NCKAP5: variants seen among roughly 807,000 people sequenced by gnomAD.
NCKAP5 encodes the protein nck-associated protein 5.
In NCKAP5, 92 loss-of-function variants were observed where a neutral mutation model predicts 167.0. The ratio of observed to expected loss-of-function variants is 0.55; its 90% CI spans 0.47 to 0.66. The LOEUF is 0.66. NCKAP5 is among the 30% of genes least tolerant of loss of function. The pLI, the probability that NCKAP5 is intolerant of heterozygous loss-of-function variation, is 0.00. For synonymous variants in NCKAP5, 891 were observed against 877.4 expected, an observed-to-expected ratio of 1.02 and a Z score of -0.27; for missense variants, 2,378 against 2,315.0, an observed-to-expected ratio of 1.03 and a Z score of -0.56.
At chr2:133,339,675 A>G (rs1438851857) in intron 3 of NCKAP5, among the ~76,000 whole-genome samples, 1 of 152,228 alleles carries the variant, frequency 6.6e-6, no homozygotes, top group Non-Finnish European at 1.5e-5. Context: ...GCCAGAATGG[A>G]AAAGATAGCT....
At chr2:132,878,773 C>T (rs1225374013) in intron 9 of NCKAP5, 75 bp downstream of exon 9, 2 of 1,076,726 alleles carry the variant, frequency 1.9e-6, no homozygotes, top group Admixed American at 1.7e-5. Context: ...TGGTAGCACA[C>T]ACACATTTTG....
At chr2:133,238,080 G>C (rs1383526300) in intron 4 of NCKAP5, among the ~76,000 whole-genome samples, 1 of 152,128 alleles carries the variant, frequency 6.6e-6, no homozygotes, top group Non-Finnish European at 1.5e-5. Context: ...TCCATCACTT[G>C]ACTAAGCCAG....
intron 2 of NCKAP5, among the ~76,000 whole-genome samples, chr2:133,554,080 C>T (rs1261588384): frequency 6.6e-6 from 1 of 152,162 alleles, no homozygotes; most frequent in Non-Finnish European, 1.5e-5. Flanking sequence ...CTGTAAAGCT[C>T]ATGATGACTT....
chr2:133,176,915 C>G (rs1345077103), intron 5 of NCKAP5, among the ~76,000 whole-genome samples: 4 of 152,120 alleles, frequency 2.6e-5, no homozygotes, highest in Admixed American at 6.6e-5. Flanking sequence ...AAAGCAAATA[C>G]ATTTAATTCC....
intron 12 of NCKAP5, among the ~76,000 whole-genome samples, chr2:132,792,852 A>G (rs1684180403): frequency 6.6e-6 from 1 of 152,214 alleles, no homozygotes; most frequent in African/African-American, 2.4e-5. Context: ...CTTTTAATGA[A>G]TAAGCAGCCC....
chr2:132,909,485 T>A (rs969101362), intron 8 of NCKAP5, among the ~76,000 whole-genome samples: 2 of 152,222 alleles, frequency 1.3e-5, no homozygotes, highest in Non-Finnish European at 2.9e-5. Flanking sequence ...GGTATTCAAA[T>A]TTTCCCCTTT....
chr2:133,674,568 A>G, the NCKAP5 span, among the ~76,000 whole-genome samples: 1 of 152,154 alleles, frequency 6.6e-6, no homozygotes, highest in East Asian at 1.9e-4. Flanking sequence ...TGCACGCTGC[A>G]AATCAGAGCT....
chr2:133,470,713 G>T (rs200260535), intron 3 of NCKAP5, among the ~76,000 whole-genome samples: 3 of 152,254 alleles, frequency 2.0e-5, no homozygotes, highest in Non-Finnish European at 2.9e-5. Flanking sequence ...TAATCTCGTG[G>T]TGCGCCGTTT....
intron 4 of NCKAP5, among the ~76,000 whole-genome samples, chr2:133,292,653 G>A (rs544111967): frequency 6.6e-6 from 1 of 152,210 alleles, no homozygotes; most frequent in South Asian, 2.1e-4. Context: ...ATTGATGTTG[G>A]GATATTTTTT....
intron 6 of NCKAP5, among the ~76,000 whole-genome samples, chr2:133,105,612 A>T (rs2081657731): frequency 6.6e-6 from 1 of 152,184 alleles, no homozygotes; most frequent in African/African-American, 2.4e-5. Context: ...CAAACAACCC[A>T]GCCAGACACA....
At chr2:133,303,131 A>G in intron 3 of NCKAP5, 21 bp from the exon 4 acceptor site, 1 of 1,550,308 alleles carries the variant, frequency 6.5e-7, no homozygotes, top group Admixed American at 1.9e-5. Context: ...AGACAAAGAC[A>G]GATGAAAACT....
chr2:133,044,787 G>A (rs183942370), intron 6 of NCKAP5, among the ~76,000 whole-genome samples: 159 of 152,160 alleles, frequency 1.0e-3, no homozygotes, highest in Non-Finnish European at 1.9e-3. Context: ...ACAGTTCTTC[G>A]GACCAGGCAT....
At chr2:133,548,736 C>T (rs370055751) in intron 2 of NCKAP5, among the ~76,000 whole-genome samples, 35 of 152,208 alleles carry the variant, frequency 2.3e-4, no homozygotes, top group Non-Finnish European at 4.7e-4. Flanking sequence ...AAGCGCTAAA[C>T]ATGGAAAGGA....
chr2:133,636,308 C>T, the NCKAP5 span, among the ~76,000 whole-genome samples: 1 of 152,128 alleles, frequency 6.6e-6, no homozygotes, highest in Admixed American at 6.6e-5. Context: ...ATATCAAAGA[C>T]AGAGCCACAG....
At chr2:132,920,771 G>GTGTATATATATATATATATATATA (rs1219401757) in intron 8 of NCKAP5, among the ~76,000 whole-genome samples, 6 of 31,570 alleles carry the variant, frequency 1.9e-4, no homozygotes, top group Non-Finnish European at 3.9e-4. Flanking sequence ...ATATATGTAT[G>GTGTATATATATATATATATATATA]TATATATATA....
intron 16 of NCKAP5, among the ~76,000 whole-genome samples, chr2:132,735,257 C>T (rs1454397982): frequency 1.3e-5 from 2 of 152,154 alleles, no homozygotes; most frequent in Non-Finnish European, 2.9e-5. Flanking sequence ...ATGTAATCCC[C>T]AGTGTTGGAG....
intron 5 of NCKAP5, among the ~76,000 whole-genome samples, chr2:133,165,083 T>C (rs202081917): frequency 2.6e-5 from 4 of 151,874 alleles, no homozygotes. Flanking sequence ...CAGCTGGGGA[T>C]GGGAGGAGGT....
At position 132,784,620 on chromosome 2, in the gene NCKAP5, A is replaced by G; in HGVS notation, c.2191T>C (p.Phe731Leu). Residue 731 changes from phenylalanine (F) to leucine (L), a missense_variant, in exon 14 of 20, where the codon TTC becomes CTC. Phe to Leu is a conservative substitution (Grantham distance 22, BLOSUM62 0). Around this residue, in one of 3 missense-constraint regions of NCKAP5, gnomAD observed 1,049 missense variants for 1,023.4 expected, o/e 1.02. Coordinates refer to ENST00000409261, the MANE Select transcript of NCKAP5 (RefSeq NM_207363.3). ...QPRAAARDYTFFKRSEEDTEK... is the reference protein window; with the variant it reads ...QPRAAARDYTLFKRSEEDTEK... ...GTGTCCTCTTCAGACCTTTTAAAGA[A>G]AGTATAGTCTCTTGCAGCAGCTCTT... 6.2e-7 allele frequency: 1 copy of G among 1,610,388 alleles called. No individual in the cohort carries two copies.
the NCKAP5 span, among the ~76,000 whole-genome samples, chr2:133,592,562 G>C: frequency 6.0e-3 from 914 of 152,254 alleles, 28 homozygotes; most frequent in Admixed American, 0.053. Context: ...CAGTTATTAG[G>C]ATACCAACAA....
Sources: allele counts gnomAD v4.1 joint callset (sites outside exome capture counted in the v4.1 genomes callset), GRCh38; gene constraint gnomAD v4.1.1; regional missense constraint gnomAD v4.1.1; transcripts MANE v1.5; gene names NCBI Gene and HGNC (gene_info 2026-07-23, HGNC 2026-07-21).